GPR39: variants seen among roughly 807,000 people sequenced by gnomAD.
GPR39 encodes G protein-coupled receptor 39, also known as zinc sensing receptor.
Under a neutral mutation model 18.4 loss-of-function variants are expected in GPR39, and 23 were observed. The ratio of observed to expected loss-of-function variants is 1.25; its 90% CI spans 0.90 to 1.77. The LOEUF is 1.77. Ranked by LOEUF, GPR39 falls within the 40% of genes most tolerant of loss-of-function variation. The probability of loss-of-function intolerance (pLI) is 0.00; values close to 1 mark genes in which losing one functional copy is unlikely to be tolerated. For missense variants in GPR39, 647 were observed against 602.4 expected (o/e 1.07, Z -0.78); for synonymous variants, 280 against 257.9 (o/e 1.09, Z -0.82).
intron 1 of GPR39, among the ~76,000 whole-genome samples, chr2:132,484,283 G>T (rs544911056): frequency 1.3e-5 from 2 of 152,274 alleles, no homozygotes; most frequent in South Asian, 2.1e-4. Flanking sequence ...TGTGTCCTTT[G>T]TGTCCAGCTG....
intron 1 of GPR39, among the ~76,000 whole-genome samples, chr2:132,598,327 A>G (rs1027080132): frequency 6.7e-6 from 1 of 149,218 alleles, no homozygotes; most frequent in African/African-American, 2.5e-5. Context: ...AGGGAAGCCT[A>G]TGGCTCTCAA....
chr2:132,592,321 C>T (rs1250618496), intron 1 of GPR39, among the ~76,000 whole-genome samples: 1 of 152,122 alleles, frequency 6.6e-6, no homozygotes, highest in Non-Finnish European at 1.5e-5. Flanking sequence ...AGGAAGTAAG[C>T]CCTGAGGGTA....
At chr2:132,486,788 A>G (rs189120099) in intron 1 of GPR39, among the ~76,000 whole-genome samples, 16 of 152,330 alleles carry the variant, frequency 1.1e-4, no homozygotes, top group Admixed American at 1.0e-3. Flanking sequence ...TATGTCAGCA[A>G]TAAGGCTGTT....
chr2:132,550,941 T>C (rs1476622347), intron 1 of GPR39, among the ~76,000 whole-genome samples: 1 of 152,244 alleles, frequency 6.6e-6, no homozygotes, highest in Non-Finnish European at 1.5e-5. Flanking sequence ...TTAGAAGACC[T>C]ACTATAGTAG....
At chr2:132,533,124 A>G (rs1357973437) in intron 1 of GPR39, among the ~76,000 whole-genome samples, 3 of 152,220 alleles carry the variant, frequency 2.0e-5, no homozygotes, top group Non-Finnish European at 2.9e-5. Flanking sequence ...AATCTCCTTA[A>G]GCTGATAAAC....
At chr2:132,631,208 G>A (rs1225237859) in intron 1 of GPR39, among the ~76,000 whole-genome samples, 1 of 152,152 alleles carries the variant, frequency 6.6e-6, no homozygotes, top group Admixed American at 6.5e-5. Flanking sequence ...AAAGCAGGAT[G>A]TTCTCATTGT....
chr2:132,636,202 T>A (rs1198928041), intron 1 of GPR39, among the ~76,000 whole-genome samples: 1 of 152,160 alleles, frequency 6.6e-6, no homozygotes, highest in Non-Finnish European at 1.5e-5. Flanking sequence ...GTCAATATTA[T>A]CTCCTAGCTC....
intron 1 of GPR39, among the ~76,000 whole-genome samples, chr2:132,480,393 A>G (rs762247457): frequency 3.9e-5 from 6 of 152,170 alleles, no homozygotes; most frequent in Non-Finnish European, 5.9e-5. Context: ...AATGGTTAAG[A>G]TGGTAAATTT....
At chr2:132,454,670 T>C (rs1378273839) in intron 1 of GPR39, among the ~76,000 whole-genome samples, 3 of 152,182 alleles carry the variant, frequency 2.0e-5, no homozygotes, top group African/African-American at 7.2e-5. Flanking sequence ...ATACCTAGTT[T>C]ATTGAGAGTT....
intron 1 of GPR39, among the ~76,000 whole-genome samples, chr2:132,587,236 A>G (rs1680745350): frequency 6.6e-6 from 1 of 152,222 alleles, no homozygotes; most frequent in South Asian, 2.1e-4. Flanking sequence ...GAAGTTGTGC[A>G]GTTTAAAAAA....
rs543764611 is a variant in GPR39 at position 132,619,253 on chromosome 2, G to A, written c.857-25848G>A. Among the ~76,000 whole-genome samples, 12 of 152,368 alleles carry A rather than the reference G, an allele frequency of 7.9e-5. 1 individual carries two copies. The South Asian group carries it at 2.5e-3, about 32-fold the overall frequency. ...AGGCTATGCACATCCTTAGCAGAAA[G>A]CTATGATCACAGCAATTTGAGGCAC... On this transcript the variant is annotated intron_variant, in intron 1 of 1. Transcript: ENST00000329321.
chr2:132,518,474 T>C (rs1017588831), intron 1 of GPR39, among the ~76,000 whole-genome samples: 6 of 152,224 alleles, frequency 3.9e-5, no homozygotes, highest in Non-Finnish European at 7.3e-5. Context: ...GTTTGAGGTC[T>C]GGTGGTGAGG....
At chr2:132,456,900 C>T (rs908294034) in intron 1 of GPR39, among the ~76,000 whole-genome samples, 1 of 152,144 alleles carries the variant, frequency 6.6e-6, no homozygotes, top group African/African-American at 2.4e-5. Flanking sequence ...TTCTCTCTGG[C>T]TGCCCTTAAC....
At chr2:132,638,873 T>A (rs1220830439) in intron 1 of GPR39, among the ~76,000 whole-genome samples, 1 of 152,180 alleles carries the variant, frequency 6.6e-6, no homozygotes, top group East Asian at 1.9e-4. Context: ...TCTCTAACCA[T>A]GCTGGTTTCC....
intron 1 of GPR39, among the ~76,000 whole-genome samples, chr2:132,497,166 G>A (rs534425119): frequency 5.9e-5 from 9 of 152,246 alleles, no homozygotes; most frequent in Admixed American, 2.0e-4. Flanking sequence ...GTATAAACAC[G>A]TGCAGAGTGT....
intron 1 of GPR39, among the ~76,000 whole-genome samples, chr2:132,557,947 G>C (rs555326875): frequency 1.3e-4 from 19 of 149,014 alleles, no homozygotes; most frequent in African/African-American, 4.6e-4. Flanking sequence ...TGCAGCTGCA[G>C]AGTATTCAGG....
At chr2:132,590,310 A>G (rs1445545605) in intron 1 of GPR39, among the ~76,000 whole-genome samples, 1 of 152,174 alleles carries the variant, frequency 6.6e-6, no homozygotes, top group Admixed American at 6.5e-5. Context: ...GTTTAGTCAG[A>G]AGGAGAAAAC....
intron 1 of GPR39, among the ~76,000 whole-genome samples, chr2:132,465,529 C>T (rs1449410759): frequency 6.6e-6 from 1 of 152,160 alleles, no homozygotes; most frequent in Non-Finnish European, 1.5e-5. Context: ...CCTGGGGAGT[C>T]CCTGGATGGC....
In GPR39 at chr2:132,417,799, C is replaced by G. The variant is rs770890007; in HGVS notation, c.757C>G (p.Gln253Glu). The G allele has an allele frequency of 1.2e-6, 2 of 1,614,130 alleles. No individual in the cohort carries two copies. Among genetic ancestry groups the G allele is most frequent in the Non-Finnish European group, 1.7e-6 (2 of 1,180,048 alleles). Residue 253 changes from glutamine (Q) to glutamate (E), a missense_variant, in exon 1 of 2, where the codon CAG becomes GAG. By Grantham distance (29) the Gln-to-Glu change is conservative (BLOSUM62 2). Around this residue, in one of 3 missense-constraint regions of GPR39, gnomAD observed 581 missense variants for 506.8 expected, o/e 1.15. Transcript: ENST00000329321. Reference sequence around the variant, plus strand: ...CATGATGCAGGTGCTCATGAAAAGCCAGAAGGGCTCGCTGGCCGGGGGCAC... The same window carrying G: ...CATGATGCAGGTGCTCATGAAAAGCGAGAAGGGCTCGCTGGCCGGGGGCAC... ...WNMMQVLMKS[Q>E]KGSLAGGTRP... is the part of the protein sequence containing the mutation.
Sources: allele counts gnomAD v4.1 joint callset (sites outside exome capture counted in the v4.1 genomes callset), GRCh38; gene constraint gnomAD v4.1.1; regional missense constraint gnomAD v4.1.1; transcripts MANE v1.5; gene names NCBI Gene and HGNC (gene_info 2026-07-23, HGNC 2026-07-21).